The following COL22A1 variants were observed in gnomAD, a reference collection of about 807,000 sequenced individuals.
COL22A1 encodes collagen type XXII alpha 1 chain.
A neutral mutation model predicts 248.9 loss-of-function variants in COL22A1; 221 were observed. That is an observed-to-expected ratio of 0.89 (90% CI 0.80 to 0.99). COL22A1 has a LOEUF of 0.99. COL22A1 is among the 50% of genes least tolerant of loss of function. The pLI is 0.00. For missense variants in COL22A1, 2,240 were observed against 2,179.0 expected (o/e 1.03, Z -0.56); for synonymous variants, 891 against 793.4 (o/e 1.12, Z -2.07).
chr8:138,714,868 G>T (rs747541693), intron 30 of COL22A1, among the ~76,000 whole-genome samples: 1 of 152,138 alleles, frequency 6.6e-6, no homozygotes, highest in Non-Finnish European at 1.5e-5. Context: ...GCTCATGAAC[G>T]ATGCAGGGGA....
intron 4 of COL22A1, 140 bp from the exon 5 acceptor site, chr8:138,833,290 A>T: frequency 1.6e-6 from 1 of 622,358 alleles, no homozygotes; most frequent in Non-Finnish European, 2.9e-6. Context: ...GTTCAAATAC[A>T]TATTCAGGGA....
intron 46 of COL22A1, among the ~76,000 whole-genome samples, chr8:138,648,278 G>C (rs1822385574): frequency 6.6e-6 from 1 of 152,154 alleles, no homozygotes; most frequent in Non-Finnish European, 1.5e-5. Context: ...CGAGGACTGT[G>C]GCATGCCCAC....
chr8:138,830,166 TGA>T (rs1479082330), intron 5 of COL22A1, among the ~76,000 whole-genome samples: 5 of 152,218 alleles, frequency 3.3e-5, no homozygotes, highest in Non-Finnish European at 7.3e-5. Context: ...TTAGAGGACC[TGA>T]GTTTGAGGCC....
chr8:138,705,771 A>G (rs149951565), intron 30 of COL22A1, among the ~76,000 whole-genome samples: 6,124 of 152,298 alleles, frequency 0.04, 189 homozygotes, highest in East Asian at 0.12. Flanking sequence ...GATCAAATTC[A>G]CACATAACAA....
intron 57 of COL22A1, among the ~76,000 whole-genome samples, chr8:138,606,680 G>A (rs1404162430): frequency 2.0e-5 from 3 of 152,142 alleles, no homozygotes. Context: ...AAACAGCCAA[G>A]GGTCTTTCCA....
intron 12 of COL22A1, among the ~76,000 whole-genome samples, chr8:138,789,785 A>G (rs1446824325): frequency 6.6e-6 from 1 of 152,192 alleles, no homozygotes; most frequent in Non-Finnish European, 1.5e-5. Context: ...CACCTTGGCC[A>G]TGGCCTGCCC....
At position 138,840,534 on chromosome 8, in the gene COL22A1, TACACAC is replaced by T. The variant is rs34512818; in HGVS notation, c.733+3544_733+3549del. Among the ~76,000 whole-genome samples, 8 of 149,148 alleles carry T rather than the reference TACACAC, an allele frequency of 5.4e-5. No homozygotes were observed. In the East Asian group the frequency reaches 1.2e-3, roughly 22 times the overall value. ...AAAGTCCTGCATTTTCATGTGTGAG[TACACAC>T]ACACACACACACACACACGCGCTCC... On this transcript the variant is annotated intron_variant, in intron 4 of 64. Coordinates refer to ENST00000303045, the MANE Select transcript of COL22A1 (RefSeq NM_152888.3).
chr8:138,907,580 A>T (rs996456955), intron 1 of COL22A1, among the ~76,000 whole-genome samples: 2 of 152,224 alleles, frequency 1.3e-5, no homozygotes, highest in African/African-American at 2.4e-5. Context: ...TCATTCTTTC[A>T]TTAATCTGCT....
intron 1 of COL22A1, among the ~76,000 whole-genome samples, chr8:138,886,311 T>C (rs1824661620): frequency 1.3e-5 from 2 of 152,174 alleles, no homozygotes; most frequent in South Asian, 4.1e-4. Context: ...TTGAAAGCAG[T>C]GACTGCGTCT....
chr8:138,738,456 A>G (rs1831295123), intron 22 of COL22A1, among the ~76,000 whole-genome samples: 1 of 152,342 alleles, frequency 6.6e-6, no homozygotes, highest in Admixed American at 6.5e-5. Flanking sequence ...AAGCACTACA[A>G]TCAAGAATTG....
chr8:138,707,355 TA>T (rs1435979066), intron 30 of COL22A1, among the ~76,000 whole-genome samples: 3 of 152,138 alleles, frequency 2.0e-5, no homozygotes, highest in African/African-American at 7.2e-5. Context: ...TTTAGACCAA[TA>T]TCCCTGATGA....
chr8:138,802,401 T>G (rs1817073405), intron 11 of COL22A1, among the ~76,000 whole-genome samples: 1 of 152,014 alleles, frequency 6.6e-6, no homozygotes, highest in Non-Finnish European at 1.5e-5. Context: ...GAGGAGGTGC[T>G]GTGGGAACAC....
chr8:138,769,533 G>T (rs1045094189), intron 16 of COL22A1, among the ~76,000 whole-genome samples: 2 of 152,070 alleles, frequency 1.3e-5, no homozygotes, highest in Non-Finnish European at 2.9e-5. Flanking sequence ...CCAAAGGGCT[G>T]CCTTGTCCTC....
intron 17 of COL22A1, among the ~76,000 whole-genome samples, chr8:138,761,182 G>A (rs1241065543): frequency 6.6e-6 from 1 of 152,134 alleles, no homozygotes; most frequent in Non-Finnish European, 1.5e-5. Context: ...CTGTGTGCTG[G>A]GTTATTGTTT....
intron 4 of COL22A1, 112 bp downstream of exon 4, chr8:138,843,972 A>G: frequency 1.1e-6 from 1 of 909,896 alleles, no homozygotes; most frequent in Non-Finnish European, 1.8e-6. Context: ...CTGGTGAAAT[A>G]TGGGAACAAG....
chr8:138,600,404 CGTCTCTAACATACGCACTTAAATGA>C (rs139567191), intron 60 of COL22A1, among the ~76,000 whole-genome samples: 2,697 of 152,262 alleles, frequency 0.018, 80 homozygotes, highest in African/African-American at 0.061. Flanking sequence ...GTCACCAAAC[CGTCTCTAACATACGCACTTAAATGA>C]AAAATGCAAG....
At chr8:138,751,104 T>C (rs1832560901) in intron 22 of COL22A1, among the ~76,000 whole-genome samples, 2 of 152,192 alleles carry the variant, frequency 1.3e-5, no homozygotes, top group African/African-American at 4.8e-5. Context: ...TGAGATATGA[T>C]ATTCAATAAT....
chr8:138,707,786 T>A (rs1447557340), intron 30 of COL22A1, among the ~76,000 whole-genome samples: 1 of 152,124 alleles, frequency 6.6e-6, no homozygotes, highest in Admixed American at 6.6e-5. Context: ...TTCTGGCCAG[T>A]GCGATCAGGC....
chr8:138,811,461 T>C (rs967953183), intron 9 of COL22A1, among the ~76,000 whole-genome samples: 2 of 152,032 alleles, frequency 1.3e-5, no homozygotes, highest in East Asian at 3.9e-4. Flanking sequence ...GCAAAGCACA[T>C]AGAAATCCTC....
Sources: gnomAD v4.1 joint callset for allele counts (sites outside exome capture counted in the v4.1 genomes callset) on GRCh38, gnomAD v4.1.1 for gene constraint, MANE v1.5 for transcripts, NCBI Gene and HGNC (gene_info 2026-07-23, HGNC 2026-07-21) for gene names.